Variants in VPS13C observed in about 807,000 individuals in gnomAD.
VPS13C encodes intermembrane lipid transfer protein VPS13C.
Under a neutral mutation model 456.8 loss-of-function variants are expected in VPS13C, and 358 were observed. The observed-to-expected ratio is 0.78, with a 90% CI of 0.72 to 0.86. The LOEUF (loss-of-function observed/expected upper bound fraction) is 0.86. VPS13C is among the 40% of genes least tolerant of loss of function. The pLI is 0.00. For missense variants in VPS13C, 4,818 were observed against 4,385.4 expected (o/e 1.10, Z -2.79); for synonymous variants, 1,578 against 1,486.7 (o/e 1.06, Z -1.41).
In VPS13C at chr15:62,008,731, C is replaced by T; in HGVS notation, c.1042G>A (p.Val348Met). Residue 348 changes from valine (V) to methionine (M), a missense_variant, in exon 14 of 85, where the codon GTG becomes ATG. Physicochemically the swap from Val to Met is conservative, Grantham distance 21. Around this residue, in one of 3 missense-constraint regions of VPS13C, gnomAD observed 4,552 missense variants for 4,130.6 expected, o/e 1.10. Transcript: ENST00000644861. The part of the protein sequence containing the change: ...YLSMIDLLES[V>M]DYMVRNAPYR... ...GGCGCATTCCTAACCATATAATCCA[C>T]TGACTCCAAAAGGTCAATCATACTT... The T allele has an allele frequency of 6.2e-7, 1 of 1,605,152 alleles. No individual in the cohort carries two copies. The highest frequency in any genetic ancestry group is 2.2e-5 in the East Asian group (1 of 44,542).
chr15:61,863,373 G>T, intron 82 of VPS13C, 67 bp downstream of exon 82: 2 of 1,205,876 alleles, frequency 1.7e-6, no homozygotes, highest in Non-Finnish European at 2.4e-6. Context: ...TGCCATTTTA[G>T]CCTTCAAAAT....
In VPS13C at chr15:61,977,172, T is replaced by C; in HGVS notation, c.2318A>G (p.Gln773Arg). ...AEETWKKCRF[Q>R]HPSTMHILQP... ...CAATATATGCATAGTTGATGGATGC[T>C]GAAATCGACACTTTTTCCAGGTTTC... The change falls in exon 24 of 85, where the codon CAG (glutamine) becomes CGG (arginine). Residue 773 changes from glutamine to arginine, a missense_variant. By Grantham distance (43) the Gln-to-Arg change is conservative. Coordinates refer to ENST00000644861, the MANE Select transcript of VPS13C (RefSeq NM_020821.3). 1 of 1,562,596 alleles carries C rather than the reference T, an allele frequency of 6.4e-7. No individual in the cohort carries two copies. The highest frequency in any genetic ancestry group is 2.4e-5 in the East Asian group (1 of 42,066).
chr15:62,008,261 C>T (rs1280877854), intron 14 of VPS13C, among the ~76,000 whole-genome samples: 3 of 151,492 alleles, frequency 2.0e-5, no homozygotes, highest in Non-Finnish European at 2.9e-5. Flanking sequence ...ATTAGCTGGG[C>T]GTGGTTGCAC....
chr15:61,926,977 G>A, intron 52 of VPS13C, 114 bp downstream of exon 52: 1 of 943,946 alleles, frequency 1.1e-6, no homozygotes, highest in Non-Finnish European at 1.6e-6. Context: ...AAAACCCCAA[G>A]TTCACAATAA....
At chr15:62,055,403 A>G (rs8025694) in intron 1 of VPS13C, among the ~76,000 whole-genome samples, 5 of 115,966 alleles carry the variant, frequency 4.3e-5, no homozygotes, top group Non-Finnish European at 1.9e-5. Context: ...AATTTTTTGT[A>G]TTTTTTTTTT....
intron 1 of VPS13C, among the ~76,000 whole-genome samples, chr15:62,052,060 C>T (rs1259846690): frequency 6.6e-6 from 1 of 152,124 alleles, no homozygotes; most frequent in African/African-American, 2.4e-5. Flanking sequence ...TGTCTCCCAA[C>T]TCCTAGGTCA....
Position 61,880,672 on chromosome 15 carries a change from C to T in VPS13C, c.9939G>A (p.Glu3313=). The change falls in exon 73 of 85, where the codon GAG becomes GAA. Residue 3313 remains glutamate (E), a synonymous_variant. Transcript: ENST00000644861. ...DIDALNAELM[E]TSMTDMSILS... ...GAATTGACATATCAGTCATTGAAGTCTCCATTAATTCTGCATTTAGAGCAT... is the reference window on the plus strand; with the variant it reads ...GAATTGACATATCAGTCATTGAAGTTTCCATTAATTCTGCATTTAGAGCAT... 6.2e-7 allele frequency: 1 copy of T among 1,601,132 alleles called. No homozygotes were observed. Among genetic ancestry groups the T allele is most frequent in the Middle Eastern group, 1.7e-4 (1 of 5,996 alleles).
chr15:62,043,500 G>T (rs1288941754), intron 2 of VPS13C, among the ~76,000 whole-genome samples: 3 of 152,186 alleles, frequency 2.0e-5, no homozygotes. Context: ...CAGCTACTAG[G>T]GAGGCTGAGG....
At chr15:61,905,332 T>C (rs1013761324) in intron 66 of VPS13C, among the ~76,000 whole-genome samples, 2 of 152,198 alleles carry the variant, frequency 1.3e-5, no homozygotes, top group African/African-American at 2.4e-5. Context: ...GTTAAATCTT[T>C]ACCATCTATC....
At chr15:62,019,994 A>C (rs538207006) in intron 9 of VPS13C, among the ~76,000 whole-genome samples, 2 of 151,354 alleles carry the variant, frequency 1.3e-5, no homozygotes, top group Middle Eastern at 3.5e-3. Context: ...GTATATATAT[A>C]CAGACACACA....
rs1372969532 is a variant in VPS13C, at chr15:61,923,265, C to G, written c.6610-503G>C. The stretch of plus-strand genomic sequence containing the variant: ...TTTGCCTTATTAAAGCTGGAAGACT[C>G]AAAATCACAGCTCTCCTTTGACTTA... On this transcript the variant is annotated intron_variant, in intron 53 of 84. Coordinates refer to ENST00000644861, the MANE Select transcript of VPS13C (RefSeq NM_020821.3). Among the ~76,000 whole-genome samples, 3 of 151,672 alleles carry G rather than the reference C, an allele frequency of 2.0e-5. No homozygotes were observed. The East Asian group carries it at 5.8e-4, about 29-fold the overall frequency.
intron 51 of VPS13C, among the ~76,000 whole-genome samples, chr15:61,929,113 T>C (rs999422848): frequency 6.6e-6 from 1 of 152,156 alleles, no homozygotes; most frequent in Non-Finnish European, 1.5e-5. Context: ...TCCTGCTGGG[T>C]CCTCCAAAGT....
chr15:61,929,425 C>A, intron 51 of VPS13C, 76 bp downstream of exon 51: 1 of 1,512,132 alleles, frequency 6.6e-7, no homozygotes, highest in Non-Finnish European at 8.9e-7. Context: ...TTAAATTTTT[C>A]ATTTCTCTTT....
At chr15:61,918,598 A>G (rs1440986139) in intron 58 of VPS13C, among the ~76,000 whole-genome samples, 1 of 152,048 alleles carries the variant, frequency 6.6e-6, no homozygotes, top group Non-Finnish European at 1.5e-5. Flanking sequence ...TATAACAACT[A>G]AACAGAAATG....
Position 61,867,915 on chromosome 15 carries a change from A to C in VPS13C, c.10863+744T>G. Reference sequence around the variant, plus strand: ...TAAGGATGAAATCAAGTAGTAGTTTAGGAAACATTTATTCCTGTATTTCCA... The same window carrying C: ...TAAGGATGAAATCAAGTAGTAGTTTCGGAAACATTTATTCCTGTATTTCCA... On this transcript the variant is annotated intron_variant, in intron 81 of 84. Transcript: ENST00000644861. This position sits in a 1 kb window ranked among gnomAD's most constrained non-coding sequence, Gnocchi z 5.0. 1 of 1,608,576 alleles carries C rather than the reference A, an allele frequency of 6.2e-7. No homozygotes were observed. The highest frequency in any genetic ancestry group is 2.2e-5 in the East Asian group (1 of 44,586).
At chr15:61,964,630 A>G in intron 31 of VPS13C, 69 bp downstream of exon 31, 1 of 1,407,754 alleles carries the variant, frequency 7.1e-7, no homozygotes, top group Non-Finnish European at 9.7e-7. Flanking sequence ...GATAGTCTCT[A>G]GTATTCCTCA....
In VPS13C at chr15:61,982,498, A is replaced by C. The variant is rs1198503760; in HGVS notation, c.1990T>G (p.Leu664Val). Residue 664 changes from leucine (L) to valine (V), a missense_variant, in exon 21 of 85, where the codon TTG becomes GTG. Coordinates refer to ENST00000644861, the MANE Select transcript of VPS13C (RefSeq NM_020821.3). ...TCCTTAATTTCTTCCAGCTTCATCA[A>C]TGTTGCTGATGTTATTTGCTCAAGA... ...LDLEQITSAT[L>V]MKLEEIKERT... 2 of 1,609,280 alleles carry C rather than the reference A, an allele frequency of 1.2e-6. No individual in the cohort carries two copies. Among genetic ancestry groups the C allele is most frequent in the South Asian group, 2.2e-5 (2 of 89,994 alleles).
At chr15:62,042,517 T>A (rs1053051233) in intron 2 of VPS13C, among the ~76,000 whole-genome samples, 11 of 152,074 alleles carry the variant, frequency 7.2e-5, no homozygotes, top group Non-Finnish European at 1.3e-4. Flanking sequence ...TAAAAAGTCT[T>A]TTTTAGACCA....
intron 74 of VPS13C, among the ~76,000 whole-genome samples, chr15:61,877,432 A>G (rs1566963295): frequency 1.3e-5 from 2 of 151,816 alleles, no homozygotes; most frequent in Non-Finnish European, 2.9e-5. Flanking sequence ...TATGTTATTT[A>G]AAACTTGACA....
Sources: gnomAD v4.1 joint callset for allele counts (sites outside exome capture counted in the v4.1 genomes callset) on GRCh38, gnomAD v4.1.1 for gene constraint, gnomAD v4.1.1 regional missense constraint, Gnocchi (gnomAD v3.1) non-coding constraint, MANE v1.5 for transcripts, NCBI Gene and HGNC (gene_info 2026-07-23, HGNC 2026-07-21) for gene names.